DPP10: variants seen among roughly 807,000 people sequenced by gnomAD.
DPP10 encodes inactive dipeptidyl peptidase 10.
Under a neutral mutation model 120.9 loss-of-function variants are expected in DPP10, and 33 were observed. The observed-to-expected ratio is 0.27, with a 90% CI of 0.21 to 0.37. The LOEUF is 0.37. Among genes scored for constraint, DPP10 ranks in the 10% least tolerant of loss-of-function variants. DPP10 has a pLI of 1.00. For synonymous variants in DPP10, 337 were observed against 326.1 expected (o/e 1.03, Z -0.36); for missense variants, 816 against 942.8 (o/e 0.87, Z 1.76).
intron 1 of DPP10, among the ~76,000 whole-genome samples, chr2:114,517,213 G>A (rs1183157181): frequency 6.6e-6 from 1 of 152,120 alleles, no homozygotes; most frequent in Non-Finnish European, 1.5e-5. Flanking sequence ...AGTTCCAGTG[G>A]TATTTCTATT....
At chr2:114,551,469 A>C (rs968378165) in intron 1 of DPP10, among the ~76,000 whole-genome samples, 1 of 152,220 alleles carries the variant, frequency 6.6e-6, no homozygotes, top group African/African-American at 2.4e-5. Flanking sequence ...TGCAGAGCTA[A>C]AGTGAATTGA....
At chr2:114,802,715 C>G (rs978792180) in intron 1 of DPP10, among the ~76,000 whole-genome samples, 3 of 152,114 alleles carry the variant, frequency 2.0e-5, no homozygotes, top group East Asian at 1.9e-4. Flanking sequence ...TTTGTATATT[C>G]TTCTTAGTTT....
intron 1 of DPP10, among the ~76,000 whole-genome samples, chr2:114,481,910 A>T (rs1412344103): frequency 6.6e-6 from 1 of 150,770 alleles, no homozygotes; most frequent in Non-Finnish European, 1.5e-5. Context: ...AGGAGAAGGG[A>T]GAAGGAGGAG....
intron 1 of DPP10, among the ~76,000 whole-genome samples, chr2:114,789,049 A>G (rs1279300514): frequency 6.6e-6 from 1 of 152,194 alleles, no homozygotes; most frequent in African/African-American, 2.4e-5. Flanking sequence ...GAGATTTGCT[A>G]AAAGCCAGCC....
rs535609218 is a variant in DPP10, at chr2:115,684,889, C to T, written c.442-4798C>T. Among the ~76,000 whole-genome samples the T allele has an allele frequency of 2.0e-5, 3 of 152,044 alleles. No homozygotes were observed. The South Asian group carries it at 6.2e-4, about 32-fold the overall frequency. ...AACTCTGGTAATCAATTAATTCATA[C>T]ATATTTCCATCAATAGATCTTTGAA... On this transcript the variant is annotated intron_variant, in intron 5 of 25. Transcript: ENST00000410059.
At chr2:114,938,607 C>T (rs1323325668) in intron 1 of DPP10, among the ~76,000 whole-genome samples, 1 of 151,924 alleles carries the variant, frequency 6.6e-6, no homozygotes, top group Non-Finnish European at 1.5e-5. Context: ...TTTTAATTGG[C>T]TAATTTTCCA....
intron 3 of DPP10, among the ~76,000 whole-genome samples, chr2:115,351,172 A>G (rs1364069846): frequency 1.3e-5 from 2 of 152,156 alleles, no homozygotes; most frequent in East Asian, 3.8e-4. Flanking sequence ...CATATACACC[A>G]TGGAATACTG....
At chr2:115,134,437 A>AATC (rs1255554990) in intron 1 of DPP10, among the ~76,000 whole-genome samples, 1 of 152,226 alleles carries the variant, frequency 6.6e-6, no homozygotes, top group Non-Finnish European at 1.5e-5. Context: ...TATTCAAAAC[A>AATC]ATCATATGAA....
chr2:115,025,739 A>AT (rs1255692914), intron 1 of DPP10, among the ~76,000 whole-genome samples: 1 of 151,984 alleles, frequency 6.6e-6, no homozygotes, highest in Non-Finnish European at 1.5e-5. Flanking sequence ...TTTGATTTGC[A>AT]TTTTTTATGA....
At chr2:115,374,618 G>A (rs1001123014) in intron 3 of DPP10, among the ~76,000 whole-genome samples, 1 of 152,170 alleles carries the variant, frequency 6.6e-6, no homozygotes, top group African/African-American at 2.4e-5. Context: ...TTCCATGAGG[G>A]CTCCGCACAT....
At chr2:115,248,368 T>C (rs531744237) in intron 1 of DPP10, among the ~76,000 whole-genome samples, 1 of 152,284 alleles carries the variant, frequency 6.6e-6, no homozygotes, top group African/African-American at 2.4e-5. Flanking sequence ...TATAGTTGTA[T>C]ACTCTGGCCT....
rs541213043 is a variant in DPP10, at chr2:114,760,218, G to A, written c.60+317380G>A. ...GCTGCTAATAGTCCCCAGCAGCTATGAGCATTGGCTGCTAATAGTCCCCAG... is the reference window on the plus strand; with the variant it reads ...GCTGCTAATAGTCCCCAGCAGCTATAAGCATTGGCTGCTAATAGTCCCCAG... On this transcript the variant is annotated intron_variant, in intron 1 of 25. Transcript: ENST00000410059. 1.1e-4 allele frequency among the ~76,000 whole-genome samples: 16 copies of A among 152,224 alleles called. No homozygotes were observed. The South Asian group carries it at 2.7e-3, about 26-fold the overall frequency.
intron 1 of DPP10, among the ~76,000 whole-genome samples, chr2:114,854,903 T>C (rs1013611783): frequency 6.6e-6 from 1 of 152,224 alleles, no homozygotes; most frequent in Non-Finnish European, 1.5e-5. Context: ...TTTGTGTGTA[T>C]GTGCATTTAT....
intron 3 of DPP10, among the ~76,000 whole-genome samples, chr2:115,382,229 C>G (rs1022350212): frequency 1.3e-5 from 2 of 152,166 alleles, no homozygotes; most frequent in Non-Finnish European, 2.9e-5. Context: ...GCATAGGACC[C>G]TCTGAGCCAT....
intron 5 of DPP10, among the ~76,000 whole-genome samples, chr2:115,599,774 C>G (rs2083207985): frequency 6.6e-6 from 1 of 152,262 alleles, no homozygotes; most frequent in Admixed American, 6.5e-5. Context: ...TATTTTACCT[C>G]CAACAGATTA....
Position 115,233,424 on chromosome 2 carries a change from C to T in DPP10, c.61-75815C>T, listed in dbSNP as rs560159155. Among the ~76,000 whole-genome samples, 285 of 152,166 alleles carry T rather than the reference C, an allele frequency of 1.9e-3. 6 individuals are homozygous for T. The highest frequency in any genetic ancestry group is 0.014 in the Middle Eastern group (4 of 292). On this transcript the variant is annotated intron_variant, in intron 1 of 25. Transcript: ENST00000410059. ...AGAATGCAGTCTAAGAATGCAGTCC[C>T]GTGTGTGATTATAAGACCTCTTTCT... is the stretch of plus-strand genomic sequence containing the variant.
At chr2:114,754,285 T>C (rs192060730) in intron 1 of DPP10, among the ~76,000 whole-genome samples, 1 of 152,246 alleles carries the variant, frequency 6.6e-6, no homozygotes, top group African/African-American at 2.4e-5. Context: ...TGGTCACTTG[T>C]TCTGTTCACA....
At chr2:114,814,432 T>A (rs1470212428) in intron 1 of DPP10, among the ~76,000 whole-genome samples, 1 of 152,104 alleles carries the variant, frequency 6.6e-6, no homozygotes, top group Non-Finnish European at 1.5e-5. Flanking sequence ...TGTACAATTG[T>A]AATATGTAAT....
chr2:114,559,891 C>CAAA (rs60833358), intron 1 of DPP10, among the ~76,000 whole-genome samples: 45 of 65,910 alleles, frequency 6.8e-4, no homozygotes, highest in Non-Finnish European at 8.1e-4. Flanking sequence ...AGAAAAAAAG[C>CAAA]AAAAAAAAAA....
Sources: allele counts gnomAD v4.1 joint callset (sites outside exome capture counted in the v4.1 genomes callset), GRCh38; gene constraint gnomAD v4.1.1; transcripts MANE v1.5; gene names NCBI Gene and HGNC (gene_info 2026-07-23, HGNC 2026-07-21).